KCNIP4: variants seen among roughly 807,000 people sequenced by gnomAD.
The protein encoded by KCNIP4 is Kv channel-interacting protein 4.
KCNIP4 carries 12 observed loss-of-function variants against 34.0 expected under a neutral mutation model. That is an observed-to-expected ratio of 0.35 (90% CI 0.23 to 0.57). KCNIP4 has a LOEUF of 0.57. Ranked by LOEUF, KCNIP4 falls within the 20% of genes least tolerant of loss-of-function variation. The probability of loss-of-function intolerance (pLI) is 0.83; values close to 1 mark genes in which losing one functional copy is unlikely to be tolerated. For synonymous variants in KCNIP4, 124 were observed against 102.2 expected (o/e 1.21, Z -1.29); for missense variants, 238 against 311.7 (o/e 0.76, Z 1.78).
At chr4:21,132,479 T>C (rs1383906067) in intron 1 of KCNIP4, among the ~76,000 whole-genome samples, 1 of 152,226 alleles carries the variant, frequency 6.6e-6, no homozygotes, top group Non-Finnish European at 1.5e-5. Context: ...TCTCAGTTTT[T>C]AACTTTGATC....
At chr4:21,673,255 C>A (rs16871708) in intron 1 of KCNIP4, among the ~76,000 whole-genome samples, 2 of 152,116 alleles carry the variant, frequency 1.3e-5, no homozygotes, top group African/African-American at 4.8e-5. Context: ...CGAAATTACC[C>A]GCCTACGGCC....
chr4:21,918,144 C>T (rs1159885866), intron 1 of KCNIP4, among the ~76,000 whole-genome samples: 1 of 151,532 alleles, frequency 6.6e-6, no homozygotes, highest in Non-Finnish European at 1.5e-5. Flanking sequence ...ATTAGGAAAA[C>T]ATCAACATAT....
At chr4:21,025,644 C>T (rs1249423089) in intron 1 of KCNIP4, among the ~76,000 whole-genome samples, 1 of 141,338 alleles carries the variant, frequency 7.1e-6, no homozygotes, top group Non-Finnish European at 1.5e-5. Flanking sequence ...AGCTCTGCCT[C>T]CCGGGTTCAC....
chr4:21,364,161 A>G (rs909305395), intron 1 of KCNIP4, among the ~76,000 whole-genome samples: 4 of 152,168 alleles, frequency 2.6e-5, no homozygotes, highest in African/African-American at 9.7e-5. Context: ...CTCAAGTGGA[A>G]TTTCTGCCTC....
intron 1 of KCNIP4, among the ~76,000 whole-genome samples, chr4:21,275,012 C>T (rs911458558): frequency 2.6e-5 from 4 of 152,004 alleles, no homozygotes; most frequent in African/African-American, 9.7e-5. Flanking sequence ...AAACCTAAAG[C>T]CATTACTCAA....
chr4:20,828,451 G>A lies in KCNIP4; in HGVS notation c.288+22092C>T, dbSNP rs146472265. ...AAACAAAGAAACAAACAAAAGCTAC[G>A]GGAAGTAAAATGTTGTCAGTTTAAT... On this transcript the variant is annotated intron_variant, in intron 3 of 8. Transcript: ENST00000382152. Among the ~76,000 whole-genome samples, 661 of 152,080 alleles carry A rather than the reference G, an allele frequency of 4.3e-3. 5 individuals are homozygous for A. The highest frequency in any genetic ancestry group is 0.014 in the Middle Eastern group (4 of 292).
At chr4:20,890,148 C>T (rs1725776846) in intron 1 of KCNIP4, among the ~76,000 whole-genome samples, 1 of 152,034 alleles carries the variant, frequency 6.6e-6, no homozygotes, top group African/African-American at 2.4e-5. Flanking sequence ...TGAATGCTAA[C>T]TATGTGCTAG....
chr4:21,279,993 G>A (rs1480833412), intron 1 of KCNIP4, among the ~76,000 whole-genome samples: 1 of 152,076 alleles, frequency 6.6e-6, no homozygotes, highest in Non-Finnish European at 1.5e-5. Flanking sequence ...TTACACTACT[G>A]CCACATTCCT....
chr4:21,936,191 T>C (rs2109014180), intron 1 of KCNIP4, among the ~76,000 whole-genome samples: 1 of 152,208 alleles, frequency 6.6e-6, no homozygotes, highest in East Asian at 1.9e-4. Flanking sequence ...TCTTGAATTG[T>C]AGCTCCCATA....
At chr4:21,016,647 C>T (rs1299275148) in intron 1 of KCNIP4, among the ~76,000 whole-genome samples, 1 of 151,896 alleles carries the variant, frequency 6.6e-6, no homozygotes, top group Non-Finnish European at 1.5e-5. Flanking sequence ...CTCACTCACA[C>T]GGTTGCCTAG....
intron 1 of KCNIP4, among the ~76,000 whole-genome samples, chr4:21,636,603 C>G (rs1284409774): frequency 6.6e-6 from 1 of 152,126 alleles, no homozygotes; most frequent in African/African-American, 2.4e-5. Flanking sequence ...CTCTCTGAAA[C>G]TCTCCAAGAT....
At chr4:20,854,745 A>T (rs1273564423) in intron 2 of KCNIP4, among the ~76,000 whole-genome samples, 1 of 152,178 alleles carries the variant, frequency 6.6e-6, no homozygotes, top group Non-Finnish European at 1.5e-5. Flanking sequence ...GGTGCTGACA[A>T]GGGTAAAGTA....
intron 1 of KCNIP4, chr4:21,304,030 TGAGA>T (rs770366497): frequency 0.026 from 7,564 of 288,362 alleles, 323 homozygotes; most frequent in Admixed American, 0.051. Context: ...GGAGAGCGTA[TGAGA>T]GAGAGAGAGA....
chr4:21,137,664 G>T (rs1266968926), intron 1 of KCNIP4, among the ~76,000 whole-genome samples: 1 of 151,940 alleles, frequency 6.6e-6, no homozygotes, highest in Non-Finnish European at 1.5e-5. Context: ...AACAATTCCT[G>T]TTTCAGGACT....
chr4:20,810,788 A>G (rs1171020292), intron 3 of KCNIP4, among the ~76,000 whole-genome samples: 1 of 152,206 alleles, frequency 6.6e-6, no homozygotes, highest in Non-Finnish European at 1.5e-5. Flanking sequence ...GAAATGATAA[A>G]TACTTTTTTT....
chr4:20,789,474 T>C (rs879853703), intron 3 of KCNIP4, among the ~76,000 whole-genome samples: 2 of 152,036 alleles, frequency 1.3e-5, no homozygotes, highest in African/African-American at 2.4e-5. Flanking sequence ...ACACTAGCCA[T>C]TAGTTATTAG....
intron 1 of KCNIP4, among the ~76,000 whole-genome samples, chr4:21,301,837 T>C (rs1711744535): frequency 1.3e-5 from 2 of 152,192 alleles, no homozygotes; most frequent in South Asian, 4.1e-4. Context: ...AAATTAAATC[T>C]TGTTTTAAAG....
At chr4:20,899,369 G>A (rs545652065) in intron 1 of KCNIP4, among the ~76,000 whole-genome samples, 2 of 152,242 alleles carry the variant, frequency 1.3e-5, no homozygotes, top group South Asian at 4.1e-4. Context: ...CTTGAAAACA[G>A]GCCCTGCTGC....
chr4:21,904,370 CAG>C (rs1315218709), intron 1 of KCNIP4, among the ~76,000 whole-genome samples: 2 of 152,116 alleles, frequency 1.3e-5, no homozygotes, highest in African/African-American at 4.8e-5. Flanking sequence ...CTCTAGAAAA[CAG>C]ACACAAAGAT....
Sources: gnomAD v4.1 joint callset for allele counts (sites outside exome capture counted in the v4.1 genomes callset) on GRCh38, gnomAD v4.1.1 for gene constraint, MANE v1.5 for transcripts, NCBI Gene and HGNC (gene_info 2026-07-23, HGNC 2026-07-21) for gene names.